The following DHDDS variants were observed in gnomAD, a reference collection of about 807,000 sequenced individuals.
DHDDS encodes the protein dehydrodolichyl diphosphate synthase subunit.
DHDDS carries 16 observed loss-of-function variants against 46.2 expected under a neutral mutation model. The observed-to-expected ratio is 0.35, with a 90% CI of 0.23 to 0.53. DHDDS has a LOEUF of 0.53. Ranked by LOEUF, DHDDS falls within the 20% of genes least tolerant of loss-of-function variation. The probability of loss-of-function intolerance (pLI) is 0.94; values close to 1 mark genes in which losing one functional copy is unlikely to be tolerated. For missense variants in DHDDS, 340 were observed against 423.7 expected (o/e 0.80, Z 1.73); for synonymous variants, 151 against 163.1 (o/e 0.93, Z 0.56).
At chr1:26,467,229 C>T (rs139968879) in intron 8 of DHDDS, 59 of 435,886 alleles carry the variant, frequency 1.4e-4, no homozygotes, top group Non-Finnish European at 2.5e-4. Flanking sequence ...AGCCTGTAAG[C>T]ACCTGGATTG....
chr1:26,444,154 C>T (rs995688212), intron 4 of DHDDS, among the ~76,000 whole-genome samples: 13 of 152,112 alleles, frequency 8.5e-5, no homozygotes, highest in Non-Finnish European at 1.8e-4. Context: ...AATGAGATTG[C>T]GCTGATCAGT....
At chr1:26,444,800 C>T (rs2075252502) in intron 4 of DHDDS, among the ~76,000 whole-genome samples, 1 of 152,100 alleles carries the variant, frequency 6.6e-6, no homozygotes, top group South Asian at 2.1e-4. Flanking sequence ...AAACAGAAGA[C>T]AAGAGCTTAC....
intron 6 of DHDDS, among the ~76,000 whole-genome samples, chr1:26,453,487 T>C (rs1392895273): frequency 6.6e-6 from 1 of 152,220 alleles, no homozygotes; most frequent in Non-Finnish European, 1.5e-5. Flanking sequence ...CCAGGTGCAG[T>C]GGCTCATACC....
Position 26,457,804 on chromosome 1 carries a change from T to G in DHDDS, c.556T>G (p.Ser186Ala). The G allele has an allele frequency of 6.2e-7, 1 of 1,612,960 alleles. No individual in the cohort carries two copies. Among genetic ancestry groups the G allele is most frequent in the East Asian group, 2.2e-5 (1 of 44,852 alleles). Residue 186 changes from serine to alanine, a missense_variant, in exon 7 of 9, where the codon TCT (serine) becomes GCT (alanine). Transcript: ENST00000236342. ...GLLDPSDISESLLDKCLYTNR... is the reference protein window; with the variant it reads ...GLLDPSDISEALLDKCLYTNR... ...TGCTCATCTTAGTGATATCTCTGAGTCTCTGCTTGATAAGTGCCTCTATAC... is the reference window on the plus strand; with the variant it reads ...TGCTCATCTTAGTGATATCTCTGAGGCTCTGCTTGATAAGTGCCTCTATAC...
At chr1:26,459,081 C>T (rs2075398685) in intron 7 of DHDDS, among the ~76,000 whole-genome samples, 1 of 152,200 alleles carries the variant, frequency 6.6e-6, no homozygotes, top group Non-Finnish European at 1.5e-5. Flanking sequence ...GAAATGATCC[C>T]TACTGTCTTG....
In DHDDS at chr1:26,432,716, C is replaced by T. The variant is rs182067044; in HGVS notation, c.-55-175C>T. On this transcript the variant is annotated intron_variant, in intron 1 of 8. Transcript: ENST00000236342. The stretch of plus-strand genomic sequence containing the variant: ...AGGAGAACCGAGGAAAGGCTTTTGC[C>T]TCCAGAGGTCACATTGCGTTATAAA... The T allele has an allele frequency of 1.7e-3, 968 of 571,612 alleles. 6 individuals carry two copies. Among genetic ancestry groups the T allele is most frequent in the African/African-American group, 0.016 (860 of 53,352 alleles). 35.4% of individuals were successfully genotyped at this position (571,612 alleles called of 1,614,324 possible).
intron 2 of DHDDS, among the ~76,000 whole-genome samples, chr1:26,434,211 C>T (rs1396248992): frequency 6.6e-6 from 1 of 152,200 alleles, no homozygotes; most frequent in African/African-American, 2.4e-5. Flanking sequence ...CCCAAATCTT[C>T]CCTCAGCTTT....
intron 7 of DHDDS, 65 bp downstream of exon 7, chr1:26,457,970 A>ACCAC: frequency 1.4e-6 from 2 of 1,436,464 alleles, no homozygotes; most frequent in Non-Finnish European, 2.0e-6. Context: ...CACAGAATGG[A>ACCAC]TCAGAGTGGT....
intron 8 of DHDDS, among the ~76,000 whole-genome samples, chr1:26,467,904 G>A (rs756363316): frequency 6.6e-6 from 1 of 152,316 alleles, no homozygotes; most frequent in East Asian, 1.9e-4. Context: ...GGGATTTTCC[G>A]CTCTTCTGTA....
intron 4 of DHDDS, among the ~76,000 whole-genome samples, chr1:26,445,817 G>T (rs573250370): frequency 6.6e-6 from 1 of 151,956 alleles, no homozygotes; most frequent in East Asian, 1.9e-4. Flanking sequence ...GAGGTCAAGG[G>T]TTCGAGACCA....
Position 26,442,879 on chromosome 1 carries a change from A to G in DHDDS, c.323+6A>G. 5 of 1,614,022 alleles carry G rather than the reference A, an allele frequency of 3.1e-6. No individual in the cohort carries two copies. Among genetic ancestry groups the G allele is most frequent in the Non-Finnish European group, 4.2e-6 (5 of 1,179,988 alleles). ...AGCCGCTTGATGGAAGAAAAGTAAG[A>G]TGCTATCAGAGGGGAGAGCATGTTC... On this transcript the variant is annotated splice_donor_region_variant and intron_variant, in intron 4 of 8. Coordinates refer to ENST00000236342, the MANE Select transcript of DHDDS (RefSeq NM_205861.3).
At chr1:26,440,927 CTT>C (rs964765345) in intron 3 of DHDDS, among the ~76,000 whole-genome samples, 28 of 142,738 alleles carry the variant, frequency 2.0e-4, no homozygotes, top group Middle Eastern at 3.7e-3. Flanking sequence ...AAGTTTTCTT[CTT>C]TTTTTTTTTT....
chr1:26,435,245 C>T (rs913462198), intron 2 of DHDDS, among the ~76,000 whole-genome samples: 1 of 151,346 alleles, frequency 6.6e-6, no homozygotes, highest in Non-Finnish European at 1.5e-5. Context: ...CTCCTGACCT[C>T]GTGATCCACC....
intron 6 of DHDDS, chr1:26,454,512 A>G (rs1244622705): frequency 1.8e-6 from 1 of 547,942 alleles, no homozygotes; most frequent in African/African-American, 1.9e-5. Flanking sequence ...TATAGTTCCC[A>G]AAGTGCACTC....
At chr1:26,458,005 G>A in intron 7 of DHDDS, 100 bp downstream of exon 7, 1 of 1,019,308 alleles carries the variant, frequency 9.8e-7, no homozygotes, top group Non-Finnish European at 1.5e-6. Flanking sequence ...AAACAGGCTG[G>A]GGCCAGAGTA....
chr1:26,433,135 C>A, intron 2 of DHDDS, 127 bp downstream of exon 2: 1 of 1,002,224 alleles, frequency 1.0e-6, no homozygotes, highest in Non-Finnish European at 1.6e-6. Flanking sequence ...GCAAGGAAAC[C>A]AAAGAGTCTT....
chr1:26,442,654 T>A, intron 3 of DHDDS, 77 bp from the exon 4 acceptor site: 1 of 1,583,368 alleles, frequency 6.3e-7, no homozygotes. Flanking sequence ...CAACTCTGAG[T>A]CAGGACCAAA....
intron 2 of DHDDS, among the ~76,000 whole-genome samples, chr1:26,435,676 G>A (rs1033267515): frequency 2.8e-4 from 43 of 151,282 alleles, no homozygotes; most frequent in Non-Finnish European, 5.5e-4. Context: ...GTGTGGTGGC[G>A]TGATCTTGGC....
intron 8 of DHDDS, chr1:26,466,143 C>T (rs2075483333): frequency 6.6e-6 from 1 of 152,100 alleles, no homozygotes; most frequent in African/African-American, 2.4e-5. Flanking sequence ...AGCCCTTGCA[C>T]CAAGATTGGA....
Sources: allele counts gnomAD v4.1 joint callset (sites outside exome capture counted in the v4.1 genomes callset), GRCh38; gene constraint gnomAD v4.1.1; transcripts MANE v1.5; gene names NCBI Gene and HGNC (gene_info 2026-07-23, HGNC 2026-07-21).